PAICS: variants seen among roughly 807,000 people sequenced by gnomAD.
The protein encoded by PAICS is bifunctional phosphoribosylaminoimidazole carboxylase/phosphoribosylaminoimidazole succinocarboxamide synthetase.
PAICS carries 33 observed loss-of-function variants against 53.7 expected under a neutral mutation model. The observed-to-expected ratio is 0.61, with a 90% confidence interval of 0.47 to 0.82. The LOEUF is 0.82. PAICS is among the 40% of genes least tolerant of loss of function. The pLI is 0.00. For synonymous variants in PAICS, 141 were observed against 167.2 expected (o/e 0.84, Z 1.21); for missense variants, 394 against 494.1 (o/e 0.80, Z 1.92).
At chr4:56,431,022 T>C (rs1307486708), upstream of PAICS, among the ~76,000 whole-genome samples, 2 of 151,704 alleles carry the variant, frequency 1.3e-5, no homozygotes, top group Admixed American at 1.3e-4. Flanking sequence ...AATGGAAGGA[T>C]TGAAAACACT....
intron 8 of PAICS, among the ~76,000 whole-genome samples, chr4:56,457,164 T>A (rs1719254702): frequency 6.6e-6 from 1 of 152,220 alleles, no homozygotes; most frequent in Non-Finnish European, 1.5e-5. Flanking sequence ...TGGTGGCTCA[T>A]GCCTATAATC....
chr4:56,438,480 C>T (rs1419569399), intron 1 of PAICS, among the ~76,000 whole-genome samples: 1 of 150,434 alleles, frequency 6.6e-6, no homozygotes, highest in Non-Finnish European at 1.5e-5. Flanking sequence ...GTGGCCCAGG[C>T]TGGAGTGCAG....
chr4:56,450,769 G>GAA, intron 6 of PAICS, 67 bp downstream of exon 6: 3 of 792,912 alleles, frequency 3.8e-6, no homozygotes, highest in Non-Finnish European at 2.1e-6. Flanking sequence ...TGTTTCAAAA[G>GAA]AAAAAAAAAT....
At chr4:56,437,618 C>G (rs1177049357) in intron 1 of PAICS, among the ~76,000 whole-genome samples, 1 of 151,772 alleles carries the variant, frequency 6.6e-6, no homozygotes, top group Middle Eastern at 3.4e-3. Flanking sequence ...GTCAGGAGAT[C>G]GAGATCATCC....
chr4:56,430,138 A>C, the PAICS span, among the ~76,000 whole-genome samples: 104,141 of 151,972 alleles, frequency 0.69, 35,794 homozygotes, highest in South Asian at 0.76. Context: ...ATTACTTTTT[A>C]AAATCTATTT....
upstream of PAICS, among the ~76,000 whole-genome samples, chr4:56,432,657 C>T (rs1481570368): frequency 1.3e-5 from 2 of 151,116 alleles, no homozygotes; most frequent in African/African-American, 4.9e-5. Flanking sequence ...TGGTGGGGGG[C>T]GCCTGTAGTC....
At chr4:56,432,971 TACATATATACATAC>T (rs1247951697), upstream of PAICS, among the ~76,000 whole-genome samples, 1 of 125,494 alleles carries the variant, frequency 8.0e-6, no homozygotes, top group Non-Finnish European at 1.6e-5. Flanking sequence ...GATATATATA[TACATATATACATAC>T]ACACACGTAT....
chr4:56,448,893 G>A, intron 5 of PAICS, 70 bp downstream of exon 5: 2 of 796,154 alleles, frequency 2.5e-6, no homozygotes, highest in East Asian at 2.7e-5. Flanking sequence ...GGAGAGATGA[G>A]GGGAAAAAGC....
At chr4:56,441,986 A>C (rs898937684) in intron 2 of PAICS, 126 bp downstream of exon 2, 7 of 658,040 alleles carry the variant, frequency 1.1e-5, no homozygotes, top group Non-Finnish European at 1.8e-5. Flanking sequence ...GTGAATTTAA[A>C]TCAAACCAAG....
the PAICS span, among the ~76,000 whole-genome samples, chr4:56,425,050 GC>G: frequency 6.6e-6 from 1 of 152,062 alleles, no homozygotes; most frequent in Non-Finnish European, 1.5e-5. Context: ...CCCTAGAAAT[GC>G]CCATTTTTCT....
At chr4:56,441,294 T>C (rs1718325757) in intron 1 of PAICS, among the ~76,000 whole-genome samples, 1 of 152,210 alleles carries the variant, frequency 6.6e-6, no homozygotes, top group Non-Finnish European at 1.5e-5. Context: ...CTTAATTAAT[T>C]TTAATTCTAG....
chr4:56,417,800 A>G, the PAICS span, among the ~76,000 whole-genome samples: 1 of 150,862 alleles, frequency 6.6e-6, no homozygotes, highest in South Asian at 2.1e-4. Flanking sequence ...AACAAAATAA[A>G]TTATGATTAA....
chr4:56,451,269 G>T (rs1247395725), intron 6 of PAICS: 1 of 152,708 alleles, frequency 6.5e-6, no homozygotes, highest in Non-Finnish European at 1.5e-5. Flanking sequence ...TCCCTACCCC[G>T]TAGGAGAAAC....
In PAICS at chr4:56,460,420, A is replaced by G. The variant is rs1719449561; in HGVS notation, c.*882A>G. On this transcript the variant is annotated 3_prime_UTR_variant, in exon 9 of 9. Transcript: ENST00000512576. ...TAACCCTTGAATTTACCGTCTTCTC[A>G]TCCTCTGTACAAAAGCCTCAAGTGA... 1 of 152,140 alleles carries G rather than the reference A, an allele frequency of 6.6e-6. No individual in the cohort carries two copies. The highest frequency in any genetic ancestry group is 6.5e-5 in the Admixed American group (1 of 15,274). The allele number at this position is 152,140 out of a possible 1,614,324, so 9.4% of individuals were successfully genotyped here.
chr4:56,446,265 AAACT>A (rs1560659946), intron 2 of PAICS: 1 of 647,846 alleles, frequency 1.5e-6, no homozygotes, highest in South Asian at 1.7e-5. Context: ...CATCCCAAAC[AAACT>A]GTGTAGCATT....
intron 1 of PAICS, 180 bp downstream of exon 1, chr4:56,436,508 A>G: frequency 1.4e-6 from 1 of 716,634 alleles, no homozygotes; most frequent in Non-Finnish European, 2.6e-6. Context: ...TGCCTCGGGG[A>G]TGGGGAGAAG....
At chr4:56,425,127 A>G in the PAICS span, among the ~76,000 whole-genome samples, 1 of 152,208 alleles carries the variant, frequency 6.6e-6, no homozygotes, top group Non-Finnish European at 1.5e-5. Flanking sequence ...AGCAGGGGGC[A>G]TTAAGGAATC....
the PAICS span, among the ~76,000 whole-genome samples, chr4:56,415,716 G>T: frequency 6.6e-6 from 1 of 151,978 alleles, no homozygotes; most frequent in African/African-American, 2.4e-5. Context: ...TACATTACTG[G>T]TATTATTTAG....
upstream of PAICS, among the ~76,000 whole-genome samples, chr4:56,432,808 G>T (rs1205323439): frequency 6.8e-6 from 1 of 146,100 alleles, no homozygotes; most frequent in Non-Finnish European, 1.5e-5. Context: ...AAAAAATCAA[G>T]AAGATAATAT....
Sources: gnomAD v4.1 joint callset for allele counts (sites outside exome capture counted in the v4.1 genomes callset) on GRCh38, gnomAD v4.1.1 for gene constraint, MANE v1.5 for transcripts, NCBI Gene and HGNC (gene_info 2026-07-23, HGNC 2026-07-21) for gene names.